The following IL10RB variants were observed in gnomAD, a reference collection of about 807,000 sequenced individuals.
IL10RB encodes the protein interleukin 10 receptor subunit beta.
A neutral mutation model predicts 38.7 loss-of-function variants in IL10RB; 30 were observed. That is an observed-to-expected ratio of 0.78 (90% CI 0.58 to 1.05). IL10RB has a LOEUF of 1.05. IL10RB is among the 50% of genes least tolerant of loss of function. IL10RB has a pLI of 0.00. For missense variants in IL10RB, 328 were observed against 397.1 expected, an observed-to-expected ratio of 0.83 and a Z score of 1.48; for synonymous variants, 142 against 145.9, an observed-to-expected ratio of 0.97 and a Z score of 0.19.
rs912157627 is a variant in IL10RB, at chr21:33,276,731, C to T, written c.309C>T (p.Ile103=). The T allele has an allele frequency of 6.2e-7, 1 of 1,614,024 alleles. No homozygotes were observed. Among genetic ancestry groups the T allele is most frequent in the East Asian group, 2.2e-5 (1 of 44,890 alleles). Residue 103 remains isoleucine (I), a synonymous_variant, in exon 3 of 7, where the codon ATC becomes ATT. Transcript: ENST00000290200. ...FADEHSDWVN[I]TFCPVDDTII... ...ATGAGCATTCAGACTGGGTAAACATCACCTTCTGTCCTGTGGATGACAGTA... is the reference window on the plus strand; with the variant it reads ...ATGAGCATTCAGACTGGGTAAACATTACCTTCTGTCCTGTGGATGACAGTA...
downstream of IL10RB, among the ~76,000 whole-genome samples, chr21:33,300,142 G>A (rs7278931): frequency 0.22 from 34,107 of 152,052 alleles, 4,000 homozygotes; most frequent in East Asian, 0.39. Flanking sequence ...TGAATTAATG[G>A]ATAATAAATA....
chr21:33,279,741 C>A lies in IL10RB; in HGVS notation c.332-11C>A. On this transcript the variant is annotated splice_polypyrimidine_tract_variant and intron_variant, in intron 3 of 6. Coordinates refer to ENST00000290200, the MANE Select transcript of IL10RB (RefSeq NM_000628.5). ...ATTTTTGATTGTCATTTTGCTTGTT[C>A]TTCTGCTTAGCCATTATTGGACCCC... 6.2e-7 allele frequency: 1 copy of A among 1,612,164 alleles called. No individual in the cohort carries two copies. The highest frequency in any genetic ancestry group is 1.1e-5 in the South Asian group (1 of 91,010).
chr21:33,300,094 A>G (rs920424672), downstream of IL10RB, among the ~76,000 whole-genome samples: 1 of 152,180 alleles, frequency 6.6e-6, no homozygotes, highest in South Asian at 2.1e-4. Context: ...TGTGCCTAAT[A>G]AGATAATCCT....
intron 3 of IL10RB, among the ~76,000 whole-genome samples, chr21:33,279,292 A>G (rs535994043): frequency 6.6e-6 from 1 of 152,344 alleles, no homozygotes; most frequent in East Asian, 1.9e-4. Context: ...ACATTGTTGG[A>G]AATATATATG....
rs1031744611 is a variant in IL10RB, at chr21:33,268,619, C to T, written c.173+102C>T. On this transcript the variant is annotated intron_variant, in intron 2 of 6. Coordinates refer to ENST00000290200, the MANE Select transcript of IL10RB (RefSeq NM_000628.5). ...AGGAAGGGAGTCTGACTACGGTCAC[C>T]GTGTGACTGTGACAACCCTCAGGGA... The T allele has an allele frequency of 2.9e-5, 25 of 857,910 alleles. 1 individual carries two copies. The highest frequency in any genetic ancestry group is 8.3e-5 in the African/African-American group (5 of 60,490). 53.1% of individuals were successfully genotyped at this position (857,910 alleles called of 1,614,324 possible).
At chr21:33,307,986 G>A (rs1179056479) in intron 1 of IL10RB, among the ~76,000 whole-genome samples, 4 of 152,190 alleles carry the variant, frequency 2.6e-5, no homozygotes, top group African/African-American at 7.2e-5. Context: ...ATGCATGGAT[G>A]TATGAGTGAA....
At chr21:33,285,274 T>C (rs1320143122) in intron 5 of IL10RB, among the ~76,000 whole-genome samples, 1 of 152,060 alleles carries the variant, frequency 6.6e-6, no homozygotes, top group Non-Finnish European at 1.5e-5. Context: ...TGCTAGTAAA[T>C]GAAAAGGATC....
At chr21:33,304,695 G>A (rs1174370668) in intron 1 of IL10RB, among the ~76,000 whole-genome samples, 1 of 152,206 alleles carries the variant, frequency 6.6e-6, no homozygotes, top group Non-Finnish European at 1.5e-5. Context: ...TACAGTAGCA[G>A]ACGCCTCATC....
chr21:33,303,555 A>G (rs2082991296), intron 1 of IL10RB, among the ~76,000 whole-genome samples: 2 of 152,078 alleles, frequency 1.3e-5, no homozygotes, highest in South Asian at 2.1e-4. Flanking sequence ...GGGTTTCACT[A>G]TGTTGGCCAG....
At position 33,282,216 on chromosome 21, in the gene IL10RB, A is replaced by ACGACCC. The variant is rs1205863120; in HGVS notation, c.499-876_499-871dup. Among the ~76,000 whole-genome samples the ACGACCC allele has an allele frequency of 3.3e-5, 5 of 152,252 alleles. No homozygotes were observed. The East Asian group carries it at 9.7e-4, about 29-fold the overall frequency. ...GTAGAGGCATATAGGCATGCTGTCAACGACCCCAACCCCAAAAAAGAACTA... is the reference window on the plus strand; with the variant it reads ...GTAGAGGCATATAGGCATGCTGTCAACGACCCCGACCCCAACCCCAAAAAAGAACTA... On this transcript the variant is annotated intron_variant, in intron 4 of 6. Transcript: ENST00000290200.
intron 4 of IL10RB, among the ~76,000 whole-genome samples, chr21:33,282,330 C>G (rs1429648632): frequency 6.6e-6 from 1 of 151,936 alleles, no homozygotes; most frequent in Non-Finnish European, 1.5e-5. Flanking sequence ...GTCAGGAGTT[C>G]AAGACAAGCC....
intron 1 of IL10RB, among the ~76,000 whole-genome samples, chr21:33,304,138 C>T (rs1031522930): frequency 1.3e-5 from 2 of 152,214 alleles, no homozygotes; most frequent in Non-Finnish European, 2.9e-5. Flanking sequence ...GCTGGCTCCT[C>T]CTTCCCAGCA....
intron 2 of IL10RB, among the ~76,000 whole-genome samples, chr21:33,272,242 A>G (rs975885141): frequency 9.2e-5 from 14 of 152,292 alleles, no homozygotes; most frequent in Admixed American, 7.8e-4. Context: ...AGTCAAACAG[A>G]TCTGAGTTCA....
intron 1 of IL10RB, among the ~76,000 whole-genome samples, chr21:33,303,873 G>C (rs914640298): frequency 1.3e-5 from 2 of 152,222 alleles, no homozygotes; most frequent in African/African-American, 4.8e-5. Flanking sequence ...ATCCCACTAA[G>C]GGGGTGAGGG....
chr21:33,277,012 G>A (rs1056948924), intron 3 of IL10RB, among the ~76,000 whole-genome samples: 1 of 150,968 alleles, frequency 6.6e-6, no homozygotes, highest in Admixed American at 6.6e-5. Context: ...ACTATGTTGG[G>A]GCCCGTGCTG....
chr21:33,303,762 A>G (rs997910307), intron 1 of IL10RB, among the ~76,000 whole-genome samples: 2 of 152,216 alleles, frequency 1.3e-5, no homozygotes, highest in African/African-American at 4.8e-5. Context: ...AGGACACAAG[A>G]GAAGTGACCA....
Position 33,305,847 on chromosome 21 carries a change from T to A in IL10RB, c.130-3129T>A, listed in dbSNP as rs953209711. On this transcript the variant is annotated intron_variant, in intron 1 of 1. Transcript: ENST00000609556. ...ATTTTTTTTTAATTTTTAATATTTTTTTGAGATGGAGTCTTGCTCTGTTGC... is the reference window on the plus strand; with the variant it reads ...ATTTTTTTTTAATTTTTAATATTTTATTGAGATGGAGTCTTGCTCTGTTGC... Among the ~76,000 whole-genome samples the A allele has an allele frequency of 2.0e-5, 3 of 152,110 alleles. No individual in the cohort carries two copies. The East Asian group carries it at 5.8e-4, about 29-fold the overall frequency.
chr21:33,295,182 T>G (rs1053280533), intron 6 of IL10RB, among the ~76,000 whole-genome samples: 1 of 151,736 alleles, frequency 6.6e-6, no homozygotes, highest in African/African-American at 2.4e-5. Flanking sequence ...TAGCTAACGC[T>G]GTGAAACCCT....
chr21:33,276,072 T>C (rs1989164927), intron 2 of IL10RB, among the ~76,000 whole-genome samples: 1 of 152,208 alleles, frequency 6.6e-6, no homozygotes, highest in Admixed American at 6.5e-5. Context: ...CAATGCAGGG[T>C]TGCTGCAGAC....
Sources: allele counts gnomAD v4.1 joint callset (sites outside exome capture counted in the v4.1 genomes callset), GRCh38; gene constraint gnomAD v4.1.1; transcripts MANE v1.5; gene names NCBI Gene and HGNC (gene_info 2026-07-23, HGNC 2026-07-21).